Variants in RAB3C observed in about 807,000 individuals in gnomAD.
The protein encoded by RAB3C is ras-related protein Rab-3C.
A neutral mutation model predicts 26.4 loss-of-function variants in RAB3C; 17 were observed. The ratio of observed to expected loss-of-function variants is 0.64; its 90% confidence interval spans 0.44 to 0.97. The LOEUF (loss-of-function observed/expected upper bound fraction) is 0.97. RAB3C is among the 50% of genes least tolerant of loss of function. RAB3C has a pLI of 0.00. For synonymous variants in RAB3C, 91 were observed against 95.9 expected (o/e 0.95, Z 0.30); for missense variants, 242 against 281.9 (o/e 0.86, Z 1.01).
chr5:58,589,080 T>G (rs1191208523), intron 1 of RAB3C, among the ~76,000 whole-genome samples: 2 of 152,170 alleles, frequency 1.3e-5, no homozygotes, highest in African/African-American at 4.8e-5. Context: ...TAGATATTAT[T>G]TATTATATTG....
intron 1 of RAB3C, among the ~76,000 whole-genome samples, chr5:58,599,130 C>T (rs1387019811): frequency 2.0e-5 from 3 of 152,158 alleles, no homozygotes; most frequent in Non-Finnish European, 4.4e-5. Flanking sequence ...TCTTTGGCAG[C>T]CTGACTCAGG....
chr5:58,617,385 T>A, intron 1 of RAB3C: 3 of 664,934 alleles, frequency 4.5e-6, no homozygotes, highest in Admixed American at 2.0e-5. Context: ...TGTCTTTGAT[T>A]GGTTCTGAAT....
At chr5:58,594,406 G>A (rs1398841231) in intron 1 of RAB3C, among the ~76,000 whole-genome samples, 1 of 152,118 alleles carries the variant, frequency 6.6e-6, no homozygotes, top group African/African-American at 2.4e-5. Flanking sequence ...CCTGTGATGT[G>A]AACATTCTTT....
chr5:58,737,332 G>A (rs541459550), intron 3 of RAB3C, among the ~76,000 whole-genome samples: 1 of 142,884 alleles, frequency 7.0e-6, no homozygotes, highest in Non-Finnish European at 1.5e-5. Flanking sequence ...GCAACCTTCT[G>A]CAGTCCTTTC....
At chr5:58,624,358 C>T (rs1381997715) in intron 2 of RAB3C, among the ~76,000 whole-genome samples, 1 of 152,114 alleles carries the variant, frequency 6.6e-6, no homozygotes, top group Non-Finnish European at 1.5e-5. Flanking sequence ...GTGATCAGTG[C>T]GGATTGATAC....
intron 2 of RAB3C, among the ~76,000 whole-genome samples, chr5:58,647,312 A>T (rs158969): frequency 2.6e-5 from 4 of 152,068 alleles, no homozygotes; most frequent in Non-Finnish European, 4.4e-5. Flanking sequence ...CAATTATGGC[A>T]GAAGGTGAAG....
chr5:58,810,364 G>GCTCTCTCTCTCTCT (rs143427018), intron 3 of RAB3C, among the ~76,000 whole-genome samples: 1 of 103,460 alleles, frequency 9.7e-6, no homozygotes, highest in Non-Finnish European at 2.3e-5. Context: ...TACTCTGTGT[G>GCTCTCTCTCTCTCT]CTCTCTCTCT....
chr5:58,774,341 C>T (rs1484163405), intron 3 of RAB3C, among the ~76,000 whole-genome samples: 3 of 152,098 alleles, frequency 2.0e-5, no homozygotes, highest in African/African-American at 7.2e-5. Context: ...ATATCTGCTC[C>T]CCTCTCCTCT....
At chr5:58,744,507 A>C (rs74791094) in intron 3 of RAB3C, among the ~76,000 whole-genome samples, 2,597 of 152,322 alleles carry the variant, frequency 0.017, 25 homozygotes, top group Middle Eastern at 0.088. Flanking sequence ...TCTCATGAGC[A>C]TGAACAGCAA....
At chr5:58,634,474 T>A (rs1395349518) in intron 2 of RAB3C, among the ~76,000 whole-genome samples, 1 of 152,198 alleles carries the variant, frequency 6.6e-6, no homozygotes, top group Non-Finnish European at 1.5e-5. Flanking sequence ...CATATTAGAA[T>A]ATCTCCCTTA....
At chr5:58,813,152 GGTT>G (rs1370095371) in intron 3 of RAB3C, among the ~76,000 whole-genome samples, 3 of 152,100 alleles carry the variant, frequency 2.0e-5, no homozygotes, top group Non-Finnish European at 2.9e-5. Context: ...TATTTTAAAA[GGTT>G]GTTGTAAGAA....
intron 3 of RAB3C, among the ~76,000 whole-genome samples, chr5:58,730,510 C>G (rs1038845501): frequency 2.5e-4 from 38 of 152,134 alleles, no homozygotes; most frequent in African/African-American, 8.2e-4. Context: ...CAAAGAAACA[C>G]ATTCTTTAAA....
At chr5:58,826,838 G>A (rs10059743) in intron 4 of RAB3C, among the ~76,000 whole-genome samples, 9,050 of 152,270 alleles carry the variant, frequency 0.059, 357 homozygotes, top group East Asian at 0.12. Context: ...TGTGCAACAT[G>A]AGTCAGAAAA....
chr5:58,712,812 A>G (rs915735466), intron 2 of RAB3C, among the ~76,000 whole-genome samples: 1 of 152,230 alleles, frequency 6.6e-6, no homozygotes, highest in African/African-American at 2.4e-5. Flanking sequence ...GGCATAAGCC[A>G]CCATGCCTGA....
At chr5:58,754,855 A>G (rs1361549890) in intron 3 of RAB3C, among the ~76,000 whole-genome samples, 4 of 151,900 alleles carry the variant, frequency 2.6e-5, no homozygotes, top group African/African-American at 2.4e-5. Flanking sequence ...AGCATCGTCC[A>G]GAGAGCTACA....
intron 2 of RAB3C, among the ~76,000 whole-genome samples, chr5:58,678,359 T>C (rs1748271736): frequency 6.6e-6 from 1 of 152,186 alleles, no homozygotes. Context: ...TACATTTAAT[T>C]TATATTTATG....
intron 1 of RAB3C, among the ~76,000 whole-genome samples, chr5:58,597,159 ATT>A (rs1259602187): frequency 1.6e-4 from 11 of 68,628 alleles, no homozygotes; most frequent in South Asian, 4.5e-4. Context: ...CATAATATAT[ATT>A]ATATAATAAT....
chr5:58,617,842 A>C lies in RAB3C; in HGVS notation c.224A>C (p.Asn75Thr). The stretch of plus-strand genomic sequence containing the variant: ...TTCAAAGTAAAAACTGTATTCAAAA[A>C]TGAAAAGAGAATCAAGCTTCAGATT... ...IDFKVKTVFK[N>T]EKRIKLQIWD... Residue 75 changes from asparagine (N) to threonine (T), a missense_variant, in exon 2 of 5, where the codon AAT becomes ACT. By Grantham distance (65) the Asn-to-Thr change is moderately conservative. Transcript: ENST00000282878. The C allele has an allele frequency of 6.2e-7, 1 of 1,611,638 alleles. No individual in the cohort carries two copies.
upstream of RAB3C, among the ~76,000 whole-genome samples, chr5:58,582,611 G>A (rs992011557): frequency 1.3e-5 from 2 of 152,132 alleles, no homozygotes; most frequent in Admixed American, 6.5e-5. Context: ...TTGTAAAACT[G>A]CCCCACTCTG....
Sources: allele counts gnomAD v4.1 joint callset (sites outside exome capture counted in the v4.1 genomes callset), GRCh38; gene constraint gnomAD v4.1.1; transcripts MANE v1.5; gene names NCBI Gene and HGNC (gene_info 2026-07-23, HGNC 2026-07-21).